Variants in GRM5 observed in about 807,000 individuals in gnomAD.
The protein encoded by GRM5 is glutamate metabotropic receptor 5.
A neutral mutation model predicts 83.1 loss-of-function variants in GRM5; 19 were observed. That is an observed-to-expected ratio of 0.23 (90% CI 0.16 to 0.34). The LOEUF is 0.34. GRM5 is among the 10% of genes least tolerant of loss of function. GRM5 has a pLI of 1.00. For synonymous variants in GRM5, 675 were observed against 633.6 expected, an observed-to-expected ratio of 1.07 and a Z score of -0.98; for missense variants, 1,160 against 1,588.3, an observed-to-expected ratio of 0.73 and a Z score of 4.58.
chr11:88,522,670 T>G (rs1317768845), intron 9 of GRM5, among the ~76,000 whole-genome samples: 1 of 148,732 alleles, frequency 6.7e-6, no homozygotes, highest in Non-Finnish European at 1.5e-5. Context: ...GCTAAAGAAA[T>G]GAGAAGGAAG....
At chr11:88,732,075 C>A (rs1175638795) in intron 3 of GRM5, among the ~76,000 whole-genome samples, 1 of 151,958 alleles carries the variant, frequency 6.6e-6, no homozygotes, top group Non-Finnish European at 1.5e-5. Flanking sequence ...TTGAAACATC[C>A]CTGCCTACCA....
At position 88,988,971 on chromosome 11, in the gene GRM5, G is replaced by C. The variant is rs1227395026; in HGVS notation, c.661+58241C>G. Among the ~76,000 whole-genome samples, 72 of 149,488 alleles carry C rather than the reference G, an allele frequency of 4.8e-4. 1 individual carries two copies. Among genetic ancestry groups the C allele is most frequent in the African/African-American group, 1.7e-3 (68 of 40,608 alleles). ...CATCAACTAATGAGCAAAATAACCA[G>C]CTAACATCATAATGACAGGATCAAA... On this transcript the variant is annotated intron_variant, in intron 2 of 9. Coordinates refer to ENST00000305447, the MANE Select transcript of GRM5 (RefSeq NM_001143831.3).
At chr11:88,558,466 AG>A (rs973268943) in intron 8 of GRM5, among the ~76,000 whole-genome samples, 39 of 152,212 alleles carry the variant, frequency 2.6e-4, no homozygotes, top group Non-Finnish European at 4.9e-4. Context: ...GATTTGGAAA[AG>A]GGTTGCAATT....
chr11:88,968,041 C>T (rs1939041574), intron 2 of GRM5, among the ~76,000 whole-genome samples: 1 of 152,046 alleles, frequency 6.6e-6, no homozygotes, highest in South Asian at 2.1e-4. Context: ...GATAGTGGAG[C>T]AACAGAATTG....
At chr11:88,829,033 T>C (rs202153261) in intron 3 of GRM5, among the ~76,000 whole-genome samples, 3 of 151,304 alleles carry the variant, frequency 2.0e-5, no homozygotes, top group African/African-American at 7.3e-5. Context: ...AATTTTATAA[T>C]TAGAAAAAAA....
intron 5 of GRM5, among the ~76,000 whole-genome samples, chr11:88,601,448 T>G (rs1042330653): frequency 6.6e-6 from 1 of 152,118 alleles, no homozygotes; most frequent in African/African-American, 2.4e-5. Context: ...ATCTCTCTAT[T>G]GGCTTTTAAA....
At chr11:89,056,276 T>C (rs1416943509) in intron 1 of GRM5, among the ~76,000 whole-genome samples, 6 of 152,204 alleles carry the variant, frequency 3.9e-5, no homozygotes, top group Non-Finnish European at 7.3e-5. Flanking sequence ...ATTAACATCA[T>C]CAATTCTGAG....
intron 3 of GRM5, among the ~76,000 whole-genome samples, chr11:88,662,347 T>TA (rs1380515827): frequency 3.3e-5 from 5 of 152,176 alleles, no homozygotes; most frequent in Non-Finnish European, 7.3e-5. Context: ...AGTAATGACA[T>TA]ACAGTAATGA....
At chr11:88,979,417 A>G (rs976599611) in intron 2 of GRM5, among the ~76,000 whole-genome samples, 2 of 152,228 alleles carry the variant, frequency 1.3e-5, no homozygotes, top group African/African-American at 4.8e-5. Flanking sequence ...ATATTAATAC[A>G]TATATCAAGT....
At position 88,510,166 on chromosome 11, in the gene GRM5, T is replaced by G. The variant is rs183948731; in HGVS notation, c.2727-662A>C. Among the ~76,000 whole-genome samples the G allele has an allele frequency of 1.8e-3, 278 of 152,388 alleles. 4 individuals are homozygous for G. The highest frequency in any genetic ancestry group is 3.5e-4 in the Non-Finnish European group (24 of 68,044). On this transcript the variant is annotated intron_variant, in intron 9 of 9. Transcript: ENST00000305447. ...CATTTCTAATGAGAGCTTCTTTACTTCACAGAAATTCACCTCACAAATGTA... is the reference window on the plus strand; with the variant it reads ...CATTTCTAATGAGAGCTTCTTTACTGCACAGAAATTCACCTCACAAATGTA...
chr11:88,735,813 C>T (rs1391991435), intron 3 of GRM5, among the ~76,000 whole-genome samples: 1 of 152,088 alleles, frequency 6.6e-6, no homozygotes, highest in East Asian at 1.9e-4. Context: ...CTGTCCTTCA[C>T]ACTACTGATA....
At chr11:88,972,109 C>T (rs527558923) in intron 2 of GRM5, among the ~76,000 whole-genome samples, 14 of 152,244 alleles carry the variant, frequency 9.2e-5, no homozygotes, top group Admixed American at 6.5e-4. Context: ...GGGCATCAGC[C>T]TAATGGCTAA....
intron 3 of GRM5, among the ~76,000 whole-genome samples, chr11:88,763,515 A>G (rs1390274931): frequency 1.3e-5 from 2 of 151,268 alleles, no homozygotes; most frequent in African/African-American, 4.8e-5. Flanking sequence ...TTTCCTCATA[A>G]TTTATAAGAC....
chr11:88,556,845 C>T (rs1490451381), intron 8 of GRM5, among the ~76,000 whole-genome samples: 4 of 151,998 alleles, frequency 2.6e-5, no homozygotes, highest in South Asian at 2.1e-4. Context: ...TGAGAGACAC[C>T]GACGGCTACC....
chr11:88,631,401 A>G (rs1196144820), intron 4 of GRM5, among the ~76,000 whole-genome samples: 1 of 152,154 alleles, frequency 6.6e-6, no homozygotes, highest in Non-Finnish European at 1.5e-5. Context: ...AATACCACAT[A>G]TTGTATTTCT....
intron 2 of GRM5, among the ~76,000 whole-genome samples, chr11:89,007,382 G>A (rs1940559634): frequency 1.3e-5 from 2 of 152,158 alleles, no homozygotes; most frequent in African/African-American, 4.8e-5. Context: ...TATGTGTTCA[G>A]GGGCATCTTT....
intron 3 of GRM5, among the ~76,000 whole-genome samples, chr11:88,798,404 C>T (rs1295432427): frequency 6.6e-6 from 1 of 152,004 alleles, no homozygotes; most frequent in African/African-American, 2.4e-5. Context: ...ACCCTAAGTT[C>T]AGTATATTAC....
intron 4 of GRM5, among the ~76,000 whole-genome samples, chr11:88,635,843 G>A (rs1235007911): frequency 2.0e-5 from 3 of 152,066 alleles, no homozygotes; most frequent in East Asian, 3.9e-4. Flanking sequence ...TTTAATTCAC[G>A]TTGAGTTGAT....
intron 3 of GRM5, among the ~76,000 whole-genome samples, chr11:88,713,901 TCTTTCAATTG>T (rs1203984037): frequency 6.6e-6 from 1 of 151,996 alleles, no homozygotes; most frequent in East Asian, 1.9e-4. Flanking sequence ...AAAGCAAATT[TCTTTCAATTG>T]CTTTCAATTG....
Sources: gnomAD v4.1 joint callset for allele counts (sites outside exome capture counted in the v4.1 genomes callset) on GRCh38, gnomAD v4.1.1 for gene constraint, MANE v1.5 for transcripts, NCBI Gene and HGNC (gene_info 2026-07-23, HGNC 2026-07-21) for gene names.